The following ADAMTS16 variants were observed in gnomAD, a reference collection of about 807,000 sequenced individuals.
The protein encoded by ADAMTS16 is A disintegrin and metalloproteinase with thrombospondin motifs 16.
Under a neutral mutation model 145.8 loss-of-function variants are expected in ADAMTS16, and 94 were observed. The observed-to-expected ratio is 0.64, with a 90% CI of 0.55 to 0.77. The LOEUF (loss-of-function observed/expected upper bound fraction) is 0.77, where lower values mean the gene tolerates loss of function less well. Ranked by LOEUF, ADAMTS16 falls within the 30% of genes least tolerant of loss-of-function variation. The probability of loss-of-function intolerance (pLI) is 0.00; values close to 1 mark genes in which losing one functional copy is unlikely to be tolerated. For missense variants in ADAMTS16, 1,585 were observed against 1,591.5 expected (o/e 1.00, Z 0.07); for synonymous variants, 659 against 604.3 (o/e 1.09, Z -1.33).
At chr5:5,177,310 C>A (rs867282251) in intron 3 of ADAMTS16, among the ~76,000 whole-genome samples, 4 of 152,124 alleles carry the variant, frequency 2.6e-5, no homozygotes, top group Admixed American at 6.5e-5. Context: ...GACCAGGGGA[C>A]AAGTTTAGAG....
intron 18 of ADAMTS16, among the ~76,000 whole-genome samples, chr5:5,268,574 A>G (rs148363885): frequency 1.2e-3 from 179 of 152,252 alleles, no homozygotes; most frequent in African/African-American, 4.1e-3. Context: ...GCCATCAACA[A>G]TAACTGCCCA....
intron 2 of ADAMTS16, among the ~76,000 whole-genome samples, chr5:5,145,342 C>T (rs978161619): frequency 2.0e-5 from 3 of 152,136 alleles, no homozygotes; most frequent in African/African-American, 4.8e-5. Context: ...ATAATCTAGG[C>T]TCTTGAGGCC....
At chr5:5,270,187 G>A (rs1738410688) in intron 18 of ADAMTS16, among the ~76,000 whole-genome samples, 1 of 152,186 alleles carries the variant, frequency 6.6e-6, no homozygotes, top group African/African-American at 2.4e-5. Flanking sequence ...AATAGCCAGG[G>A]CCTGATCGCA....
At chr5:5,213,990 C>G (rs1736348314) in intron 10 of ADAMTS16, among the ~76,000 whole-genome samples, 1 of 152,254 alleles carries the variant, frequency 6.6e-6, no homozygotes, top group Non-Finnish European at 1.5e-5. Flanking sequence ...GGCCTCTACT[C>G]TGACCTCTGC....
intron 10 of ADAMTS16, among the ~76,000 whole-genome samples, chr5:5,213,353 T>C (rs577832653): frequency 2.6e-5 from 4 of 152,336 alleles, no homozygotes; most frequent in African/African-American, 9.6e-5. Context: ...GAAAATGTCA[T>C]GAATTCATCC....
chr5:5,268,923 C>T (rs772852344), intron 18 of ADAMTS16, among the ~76,000 whole-genome samples: 4 of 152,088 alleles, frequency 2.6e-5, no homozygotes, highest in Admixed American at 6.5e-5. Flanking sequence ...CTGCGCTCCC[C>T]GACCCCACAA....
At chr5:5,177,105 T>G (rs1735218593) in intron 3 of ADAMTS16, among the ~76,000 whole-genome samples, 1 of 152,190 alleles carries the variant, frequency 6.6e-6, no homozygotes, top group Non-Finnish European at 1.5e-5. Flanking sequence ...GTATTTATGT[T>G]TTACAAATAT....
intron 9 of ADAMTS16, among the ~76,000 whole-genome samples, chr5:5,203,815 A>G (rs558425159): frequency 1.3e-3 from 200 of 152,290 alleles, no homozygotes; most frequent in African/African-American, 4.7e-3. Flanking sequence ...GACCACGTGA[A>G]TCTGAACACA....
intron 11 of ADAMTS16, among the ~76,000 whole-genome samples, chr5:5,231,302 A>G (rs1736915232): frequency 6.6e-6 from 1 of 152,240 alleles, no homozygotes; most frequent in East Asian, 1.9e-4. Context: ...TCTTACTTAA[A>G]TAGCATTAAA....
intron 17 of ADAMTS16, among the ~76,000 whole-genome samples, chr5:5,254,112 A>G (rs866005964): frequency 6.6e-6 from 1 of 152,096 alleles, no homozygotes; most frequent in Non-Finnish European, 1.5e-5. Context: ...TTTCCCAGTT[A>G]CCTCAAAGAC....
intron 4 of ADAMTS16, among the ~76,000 whole-genome samples, chr5:5,185,565 T>C (rs1445371929): frequency 6.6e-6 from 1 of 152,206 alleles, no homozygotes; most frequent in Non-Finnish European, 1.5e-5. Flanking sequence ...TTGGAAACAG[T>C]GTAGACAAGC....
At chr5:5,224,474 G>T (rs1452462142) in intron 11 of ADAMTS16, among the ~76,000 whole-genome samples, 1 of 152,072 alleles carries the variant, frequency 6.6e-6, no homozygotes, top group Non-Finnish European at 1.5e-5. Flanking sequence ...ATTTTTAGTA[G>T]AGACGGGGTT....
chr5:5,220,981 C>A lies in ADAMTS16; in HGVS notation c.1606-1808C>A, dbSNP rs114877990. 7.1e-3 allele frequency among the ~76,000 whole-genome samples: 1,079 copies of A among 152,220 alleles called. 12 individuals carry two copies. Among genetic ancestry groups the A allele is most frequent in the African/African-American group, 0.024 (980 of 41,530 alleles). On this transcript the variant is annotated intron_variant, in intron 10 of 22. Transcript: ENST00000274181. ...GGTATGCATGCTCAGCCTCCTGAAG[C>A]AGGAGGTCTCTACGCCCCATCGGTC...
chr5:5,295,018 C>T (rs760250988), intron 18 of ADAMTS16, among the ~76,000 whole-genome samples: 2 of 152,166 alleles, frequency 1.3e-5, no homozygotes, highest in Non-Finnish European at 2.9e-5. Flanking sequence ...AAAAAAAATG[C>T]ACACACATAC....
At chr5:5,241,853 A>G (rs1420198431) in intron 16 of ADAMTS16, among the ~76,000 whole-genome samples, 200 bp from the exon 17 acceptor site, 1 of 151,582 alleles carries the variant, frequency 6.6e-6, no homozygotes, top group African/African-American at 2.4e-5. Flanking sequence ...CAGTCTAGAC[A>G]TTTTTTTAGA....
At chr5:5,147,895 A>T (rs1734345920) in intron 3 of ADAMTS16, among the ~76,000 whole-genome samples, 1 of 152,146 alleles carries the variant, frequency 6.6e-6, no homozygotes, top group African/African-American at 2.4e-5. Context: ...CCCAGCAAGG[A>T]TGCAAGCTCC....
At chr5:5,156,804 A>G (rs2126520406) in intron 3 of ADAMTS16, among the ~76,000 whole-genome samples, 1 of 152,320 alleles carries the variant, frequency 6.6e-6, no homozygotes, top group Non-Finnish European at 1.5e-5. Context: ...AGGAGAAGTT[A>G]GGGTATATCT....
chr5:5,201,873 T>C lies in ADAMTS16; in HGVS notation c.1451+1604T>C, dbSNP rs540385949. Among the ~76,000 whole-genome samples, 33 of 152,362 alleles carry C rather than the reference T, an allele frequency of 2.2e-4. No individual in the cohort carries two copies. In the South Asian group the frequency reaches 6.8e-3, roughly 32 times the overall value. ...CTCTTCAGTTCTCAACCGGCCTCTCTGGTTCCTTTCACTGACCTTACTTCT... is the reference window on the plus strand; with the variant it reads ...CTCTTCAGTTCTCAACCGGCCTCTCCGGTTCCTTTCACTGACCTTACTTCT... On this transcript the variant is annotated intron_variant, in intron 9 of 22. Coordinates refer to ENST00000274181, the MANE Select transcript of ADAMTS16 (RefSeq NM_139056.4).
intron 18 of ADAMTS16, among the ~76,000 whole-genome samples, chr5:5,300,670 C>G (rs1286272203): frequency 6.6e-6 from 1 of 152,134 alleles, no homozygotes; most frequent in Admixed American, 6.5e-5. Context: ...GGGTTTGGGG[C>G]GGGATCAATT....
Sources: gnomAD v4.1 joint callset for allele counts (sites outside exome capture counted in the v4.1 genomes callset) on GRCh38, gnomAD v4.1.1 for gene constraint, MANE v1.5 for transcripts, NCBI Gene and HGNC (gene_info 2026-07-23, HGNC 2026-07-21) for gene names.